The following ACSL5 variants were observed in gnomAD, a reference collection of about 807,000 sequenced individuals.
ACSL5 encodes the protein acyl-CoA synthetase long chain family member 5.
ACSL5 carries 50 observed loss-of-function variants against 84.9 expected under a neutral mutation model. The observed-to-expected ratio is 0.59, with a 90% CI of 0.47 to 0.75. The LOEUF is 0.75. Among genes scored for constraint, ACSL5 ranks in the 30% least tolerant of loss-of-function variants. The probability of loss-of-function intolerance (pLI) is 0.00; values close to 1 mark genes in which losing one functional copy is unlikely to be tolerated. For synonymous variants in ACSL5, 280 were observed against 300.7 expected, an observed-to-expected ratio of 0.93 and a Z score of 0.71; for missense variants, 775 against 830.4, an observed-to-expected ratio of 0.93 and a Z score of 0.82.
chr10:112,422,479 A>G, intron 17 of ACSL5, 38 bp downstream of exon 17: 1 of 1,569,526 alleles, frequency 6.4e-7, no homozygotes, highest in Non-Finnish European at 8.7e-7. Context: ...GTCTATGCTA[A>G]TGGACTGAGA....
At chr10:112,416,225 A>G (rs1844309535) in intron 12 of ACSL5, among the ~76,000 whole-genome samples, 1 of 152,088 alleles carries the variant, frequency 6.6e-6, no homozygotes. Flanking sequence ...TAATCCCAGC[A>G]CTTTGGGAGG....
intron 5 of ACSL5, among the ~76,000 whole-genome samples, chr10:112,406,859 A>T (rs1283451181): frequency 6.6e-6 from 1 of 152,140 alleles, no homozygotes; most frequent in Non-Finnish European, 1.5e-5. Flanking sequence ...ATCACATGAG[A>T]ACTCACTCAC....
chr10:112,407,839 AC>A (rs2133622579), intron 5 of ACSL5, among the ~76,000 whole-genome samples: 1 of 152,250 alleles, frequency 6.6e-6, no homozygotes, highest in Admixed American at 6.5e-5. Flanking sequence ...GATCTCTGAC[AC>A]CCTAAGGCTC....
At chr10:112,423,187 CAAAAAAAAAAAAA>C (rs1163487735) in intron 17 of ACSL5, among the ~76,000 whole-genome samples, 3 of 16,568 alleles carry the variant, frequency 1.8e-4, no homozygotes, top group Non-Finnish European at 2.7e-4. Flanking sequence ...GTCTCTGTCT[CAAAAAAAAAAAAA>C]AAAAAAAAAA....
chr10:112,421,657 G>T lies in ACSL5; in HGVS notation c.1379G>T (p.Trp460Leu). ...TGTACATTTACATTACCTGGGGACT[G>T]GACATCAGGTAAGTCCTCCATCTGC... ...GGCTFTLPGD[W>L]TSGHVGVPLA... Residue 460 changes from tryptophan to leucine, a missense_variant, in exon 15 of 21, where the codon TGG becomes TTG. Physicochemically the swap from Trp to Leu is moderately conservative, Grantham distance 61 (BLOSUM62 -2). Transcript: ENST00000354655. The T allele has an allele frequency of 6.2e-7, 1 of 1,613,352 alleles. No individual in the cohort carries two copies. Among genetic ancestry groups the T allele is most frequent in the Non-Finnish European group, 8.5e-7 (1 of 1,179,292 alleles).
At chr10:112,377,359 G>A (rs1422026434) in intron 1 of ACSL5, among the ~76,000 whole-genome samples, 1 of 152,154 alleles carries the variant, frequency 6.6e-6, no homozygotes, top group Non-Finnish European at 1.5e-5. Flanking sequence ...GGCCAACATG[G>A]CGAAACCCCA....
chr10:112,400,408 T>TTA (rs1385533736), intron 3 of ACSL5, among the ~76,000 whole-genome samples: 2 of 108,426 alleles, frequency 1.8e-5, no homozygotes, highest in Non-Finnish European at 4.0e-5. Flanking sequence ...TTTCTTTTCT[T>TTA]TTTTTTTTTT....
At chr10:112,422,771 G>A (rs186320568) in intron 17 of ACSL5, among the ~76,000 whole-genome samples, 58 of 150,638 alleles carry the variant, frequency 3.9e-4, no homozygotes, top group African/African-American at 1.3e-3. Flanking sequence ...CAGGAGAATC[G>A]CTTGAACCCA....
chr10:112,401,909 TTTC>T (rs1284310142), intron 3 of ACSL5, among the ~76,000 whole-genome samples: 10 of 150,970 alleles, frequency 6.6e-5, no homozygotes, highest in Non-Finnish European at 1.5e-4. Context: ...CTTTTCTTTC[TTTC>T]TTTCCTTCTT....
intron 3 of ACSL5, among the ~76,000 whole-genome samples, chr10:112,400,318 CAAT>C (rs1276964835): frequency 6.6e-6 from 1 of 150,836 alleles, no homozygotes; most frequent in Non-Finnish European, 1.5e-5. Flanking sequence ...TGGACTCAAG[CAAT>C]CCTCTCACCT....
At chr10:112,400,918 A>T (rs1309184000) in intron 3 of ACSL5, among the ~76,000 whole-genome samples, 2 of 152,226 alleles carry the variant, frequency 1.3e-5, no homozygotes, top group Non-Finnish European at 2.9e-5. Context: ...TTGTGACTAA[A>T]ACAAGCCATT....
At chr10:112,400,323 C>T (rs1843850334) in intron 3 of ACSL5, among the ~76,000 whole-genome samples, 1 of 151,208 alleles carries the variant, frequency 6.6e-6, no homozygotes, top group South Asian at 2.1e-4. Context: ...TCAAGCAATC[C>T]TCTCACCTCA....
intron 5 of ACSL5, 47 bp from the exon 6 acceptor site, chr10:112,408,375 C>A: frequency 8.4e-7 from 1 of 1,186,992 alleles, no homozygotes; most frequent in Non-Finnish European, 1.3e-6. Context: ...TGAACTGGTA[C>A]TCTTCAGTGT....
In ACSL5 at chr10:112,417,901, C is replaced by T. The variant is rs1201028446; in HGVS notation, c.1274C>T (p.Thr425Ile). Residue 425 changes from threonine (T) to isoleucine (I), a missense_variant, in exon 14 of 21, where the codon ACT (threonine) becomes ATT (isoleucine). Coordinates refer to ENST00000354655, the MANE Select transcript of ACSL5 (RefSeq NM_203379.2). ...VIVTGAAPMS[T>I]SVMTFFRAAM... ...GTCACTGGAGCTGCCCCCATGTCCA[C>T]TTCAGTCATGACATTCTTCCGGGCA... 2 of 1,613,582 alleles carry T rather than the reference C, an allele frequency of 1.2e-6. No homozygotes were observed. The highest frequency in any genetic ancestry group is 2.7e-5 in the African/African-American group (2 of 74,886).
In ACSL5 at chr10:112,404,638, C is replaced by T. The variant is rs41292616; in HGVS notation, c.330+63C>T. On this transcript the variant is annotated intron_variant, in intron 4 of 20. Coordinates refer to ENST00000354655, the MANE Select transcript of ACSL5 (RefSeq NM_203379.2). ...ACATAGTATTCTGAACTACAGGATA[C>T]GATATTGGTCAGTTTTTGGTCTTGA... 2.4e-3 allele frequency: 3,862 copies of T among 1,595,376 alleles called. 8 individuals are homozygous for T. Among genetic ancestry groups the T allele is most frequent in the Non-Finnish European group, 3.0e-3 (3,523 of 1,163,570 alleles).
intron 4 of ACSL5, 25 bp from the exon 5 acceptor site, chr10:112,404,680 C>G: frequency 3.7e-6 from 6 of 1,608,778 alleles, no homozygotes; most frequent in Non-Finnish European, 4.3e-6. Context: ...CTCTCTCTCT[C>G]TCACCCCATC....
intron 11 of ACSL5, 41 bp from the exon 12 acceptor site, chr10:112,413,132 G>A (rs1844224162): frequency 3.1e-6 from 5 of 1,609,684 alleles, no homozygotes; most frequent in Non-Finnish European, 4.2e-6. Context: ...CACTAAAGGG[G>A]TTGTTTGCCT....
At chr10:112,402,234 C>G (rs1024895187) in intron 3 of ACSL5, among the ~76,000 whole-genome samples, 10 of 152,162 alleles carry the variant, frequency 6.6e-5, no homozygotes, top group African/African-American at 2.4e-4. Flanking sequence ...TCCCAAACTG[C>G]TGGGATTACA....
At chr10:112,377,670 T>C (rs559662409) in intron 1 of ACSL5, among the ~76,000 whole-genome samples, 8 of 152,348 alleles carry the variant, frequency 5.3e-5, no homozygotes, top group African/African-American at 1.2e-4. Flanking sequence ...TCCCCTCCGA[T>C]TGATCAGTAT....
Sources: allele counts gnomAD v4.1 joint callset (sites outside exome capture counted in the v4.1 genomes callset), GRCh38; gene constraint gnomAD v4.1.1; transcripts MANE v1.5; gene names NCBI Gene and HGNC (gene_info 2026-07-23, HGNC 2026-07-21).